Variants in IGSF10 observed in about 807,000 individuals in gnomAD.
The protein encoded by IGSF10 is immunoglobulin superfamily member 10, also known as calvaria mechanical force protein 608.
A neutral mutation model predicts 128.2 loss-of-function variants in IGSF10; 126 were observed. The ratio of observed to expected loss-of-function variants is 0.98; its 90% CI spans 0.85 to 1.14. The LOEUF (loss-of-function observed/expected upper bound fraction) is 1.14, where lower values mean the gene tolerates loss of function less well. IGSF10 is among the 50% of genes most tolerant of loss of function. The pLI, the probability that IGSF10 is intolerant of heterozygous loss-of-function variation, is 0.00. For missense variants in IGSF10, 3,295 were observed against 3,149.8 expected (o/e 1.05, Z -1.10); for synonymous variants, 1,185 against 1,146.2 (o/e 1.03, Z -0.68).
Position 151,447,991 on chromosome 3 carries a change from T to C in IGSF10, c.1990A>G (p.Met664Val). 6.2e-7 allele frequency: 1 copy of C among 1,614,192 alleles called. No homozygotes were observed. Reference protein sequence around the residue: ...DFLIFQVSVKMKGQRPLEHDG... With the variant: ...DFLIFQVSVKVKGQRPLEHDG... The stretch of plus-strand genomic sequence containing the variant: ...TGCTCCAAGGGCCTTTGTCCTTTCA[T>C]CTTGACTGAAACTTGGAAAATCAAA... Residue 664 changes from methionine to valine, a missense_variant, in exon 6 of 8, where the codon ATG becomes GTG. Met to Val is a conservative substitution (Grantham distance 21). Transcript: ENST00000282466.
the IGSF10 span, among the ~76,000 whole-genome samples, chr3:151,600,763 T>C: frequency 2.0e-5 from 3 of 152,130 alleles, no homozygotes; most frequent in Non-Finnish European, 4.4e-5. Flanking sequence ...GTCAAAATGA[T>C]ATAATAGTCA....
rs1721226139 is a variant in IGSF10 at position 151,446,863 on chromosome 3, T to G, written c.3118A>C (p.Arg1040=). 1 of 1,614,088 alleles carries G rather than the reference T, an allele frequency of 6.2e-7. No homozygotes were observed. The highest frequency in any genetic ancestry group is 1.3e-5 in the African/African-American group (1 of 74,932). The change falls in exon 6 of 8, where the codon AGG becomes CGG. Residue 1040 remains arginine, a synonymous_variant. Coordinates refer to ENST00000282466, the MANE Select transcript of IGSF10 (RefSeq NM_178822.5). ...TCAGAAGAACCTCTGGTTGTTGACCTGAAAATGCTGTATCTATGCCGTCGC... is the reference window on the plus strand; with the variant it reads ...TCAGAAGAACCTCTGGTTGTTGACCGGAAAATGCTGTATCTATGCCGTCGC... The part of the protein sequence containing the change: ...VLRRHRYSIF[R]STTRGSSEKS...
chr3:151,437,390 CTATCAGATACTGA>C lies in IGSF10; in HGVS notation c.7158_7170del (p.Tyr2386Ter). ...GAAATGATAAAAGAACCATTGCTTG[CTATCAGATACTGA>C]TAACTTTGTGGTCCATTGGAAAATC... On this transcript the variant is annotated frameshift_variant, in exon 8 of 8. Coordinates refer to ENST00000282466, the MANE Select transcript of IGSF10 (RefSeq NM_178822.5). LOFTEE classifies it low-confidence loss of function (END_TRUNC). 6.2e-7 allele frequency: 1 copy of C among 1,613,950 alleles called. No homozygotes were observed. The highest frequency in any genetic ancestry group is 8.5e-7 in the Non-Finnish European group (1 of 1,179,806).
the IGSF10 span, among the ~76,000 whole-genome samples, chr3:151,619,759 G>A: frequency 2.8e-4 from 42 of 152,266 alleles, 1 homozygote; most frequent in South Asian, 2.7e-3. Flanking sequence ...CTGCCCTCAT[G>A]AATTTATTCA....
chr3:151,515,800 T>C, the IGSF10 span, among the ~76,000 whole-genome samples: 1 of 151,550 alleles, frequency 6.6e-6, no homozygotes, highest in East Asian at 1.9e-4. Flanking sequence ...ATGACCAGTA[T>C]TTGGTTTGTC....
the IGSF10 span, among the ~76,000 whole-genome samples, chr3:151,572,819 T>C: frequency 1.3e-5 from 2 of 152,190 alleles, no homozygotes; most frequent in Non-Finnish European, 2.9e-5. Flanking sequence ...GTTAGGGTAT[T>C]GATTTTAGAT....
chr3:151,453,722 TA>T lies in IGSF10; in HGVS notation c.376del (p.Tyr126MetfsTer6). 1.3e-6 allele frequency: 2 copies of T among 1,598,846 alleles called. No homozygotes were observed. The highest frequency in any genetic ancestry group is 1.3e-5 in the African/African-American group (1 of 74,240). On this transcript the variant is annotated frameshift_variant, in exon 5 of 8. Transcript: ENST00000282466. LOFTEE classifies it high-confidence loss of function. ...CAATCGTGTCAAGCTCCTGAGGCCA[TA>T]AAAAGTATCTTTCTGAAGTTTTCGG... The part of the protein sequence containing the change: ...KVRKLQKDTF[Y>X]GLRSLTRLHM...
the IGSF10 span, among the ~76,000 whole-genome samples, chr3:151,578,715 C>A: frequency 6.6e-6 from 1 of 152,288 alleles, no homozygotes; most frequent in East Asian, 1.9e-4. Flanking sequence ...AGGGGCAGGA[C>A]AACAAATACT....
chr3:151,532,207 A>G, the IGSF10 span, among the ~76,000 whole-genome samples: 3 of 151,938 alleles, frequency 2.0e-5, no homozygotes, highest in South Asian at 6.2e-4. Context: ...ACACCACAAA[A>G]AAGTCCAAGG....
the IGSF10 span, among the ~76,000 whole-genome samples, chr3:151,618,905 T>A: frequency 1.3e-5 from 2 of 151,190 alleles, no homozygotes; most frequent in Non-Finnish European, 2.9e-5. Context: ...AACAGAGATG[T>A]GAAGTTTTCC....
the IGSF10 span, among the ~76,000 whole-genome samples, chr3:151,547,918 C>T: frequency 3.6e-4 from 55 of 152,280 alleles, no homozygotes; most frequent in African/African-American, 1.3e-3. Context: ...TTTGAGCAAC[C>T]TGAAGTCATT....
chr3:151,569,556 T>G, the IGSF10 span, among the ~76,000 whole-genome samples: 1 of 152,098 alleles, frequency 6.6e-6, no homozygotes, highest in Admixed American at 6.6e-5. Context: ...GTAGGGGTAT[T>G]GCAATGCCTT....
intron 5 of IGSF10, among the ~76,000 whole-genome samples, chr3:151,450,784 T>C (rs1348444194): frequency 1.3e-5 from 2 of 150,058 alleles, no homozygotes; most frequent in African/African-American, 4.9e-5. Flanking sequence ...TAATCCCAGC[T>C]GCTCGGGAGG....
At chr3:151,510,689 C>T in the IGSF10 span, among the ~76,000 whole-genome samples, 3 of 151,986 alleles carry the variant, frequency 2.0e-5, no homozygotes, top group Non-Finnish European at 2.9e-5. Flanking sequence ...AAGTGTGAAC[C>T]AATGGCAAAG....
the IGSF10 span, among the ~76,000 whole-genome samples, chr3:151,584,151 G>T: frequency 6.6e-6 from 1 of 152,064 alleles, no homozygotes; most frequent in Non-Finnish European, 1.5e-5. Flanking sequence ...CACAAATTTA[G>T]AATTTTTATA....
In IGSF10 at chr3:151,437,514, G is replaced by A; in HGVS notation, c.7047C>T (p.Ala2349=). The A allele has an allele frequency of 6.2e-7, 1 of 1,614,092 alleles. No homozygotes were observed. Among genetic ancestry groups the A allele is most frequent in the Middle Eastern group, 1.6e-4 (1 of 6,062 alleles). ...TCAATGCTGTGGACTTTCCCAGCTGGGCAACTATTTTTTCATTAAATGGAT... is the reference window on the plus strand; with the variant it reads ...TCAATGCTGTGGACTTTCCCAGCTGAGCAACTATTTTTTCATTAAATGGAT... ...FRNPFNEKIV[A]QLGKSTALNC... is the part of the protein sequence containing the mutation. The change falls in exon 8 of 8, where the codon GCC becomes GCT. Residue 2349 remains alanine (A), a synonymous_variant. Coordinates refer to ENST00000282466, the MANE Select transcript of IGSF10 (RefSeq NM_178822.5).
At chr3:151,512,754 A>G in the IGSF10 span, among the ~76,000 whole-genome samples, 1 of 152,248 alleles carries the variant, frequency 6.6e-6, no homozygotes, top group African/African-American at 2.4e-5. Context: ...AGAATCAAAT[A>G]GACGCAATAA....
chr3:151,434,252 T>G (rs1719843789), downstream of IGSF10: 2 of 152,226 alleles, frequency 1.3e-5, no homozygotes, highest in African/African-American at 2.4e-5. Flanking sequence ...AGTACAACTT[T>G]AGTAGACATT....
At chr3:151,573,118 T>C in the IGSF10 span, among the ~76,000 whole-genome samples, 1 of 152,176 alleles carries the variant, frequency 6.6e-6, no homozygotes, top group Non-Finnish European at 1.5e-5. Flanking sequence ...TTCTGTTCTT[T>C]TATATTTGCT....
Sources: allele counts gnomAD v4.1 joint callset (sites outside exome capture counted in the v4.1 genomes callset), GRCh38; gene constraint gnomAD v4.1.1; transcripts MANE v1.5; gene names NCBI Gene and HGNC (gene_info 2026-07-23, HGNC 2026-07-21).